The following BCO1 variants were observed in gnomAD, a reference collection of about 807,000 sequenced individuals.
BCO1 encodes the protein beta-carotene oxygenase 1.
BCO1 carries 54 observed loss-of-function variants against 56.3 expected under a neutral mutation model. The ratio of observed to expected loss-of-function variants is 0.96; its 90% CI spans 0.77 to 1.20. The LOEUF is 1.20. BCO1 is among the 50% of genes most tolerant of loss of function. The pLI, the probability that BCO1 is intolerant of heterozygous loss-of-function variation, is 0.00. For synonymous variants in BCO1, 318 were observed against 266.1 expected (o/e 1.20, Z -1.90); for missense variants, 801 against 690.9 (o/e 1.16, Z -1.79).
At chr16:81,245,431 T>G (rs1252438510) in intron 1 of BCO1, 44 bp from the exon 2 acceptor site, 2 of 1,613,970 alleles carry the variant, frequency 1.2e-6, no homozygotes, top group Non-Finnish European at 1.7e-6. Flanking sequence ...AGCATTTTGG[T>G]TTGCAGGTGG....
intron 6 of BCO1, among the ~76,000 whole-genome samples, chr16:81,268,926 T>C (rs1445355392): frequency 1.3e-5 from 2 of 151,976 alleles, no homozygotes; most frequent in African/African-American, 4.8e-5. Flanking sequence ...TCTCTATGCC[T>C]GGCTAATTTT....
chr16:81,263,698 A>G (rs751355272), intron 4 of BCO1: 5 of 152,236 alleles, frequency 3.3e-5, no homozygotes, highest in African/African-American at 4.8e-5. Context: ...GCAAAAAGCT[A>G]GGGCACAAAA....
Position 81,245,593 on chromosome 16 carries a change from C to T in BCO1, c.183C>T (p.Thr61=). Residue 61 remains threonine (T), a synonymous_variant, in exon 2 of 11, where the codon ACC becomes ACT. Transcript: ENST00000258168. ...FDGLALLHSF[T]IRDGEVYYRS... is the part of the protein sequence containing the mutation. ...GCCTTGCCCTGCTCCACAGCTTCAC[C>T]ATCAGAGACGGTGAGAACACCCACG... is the stretch of plus-strand genomic sequence containing the variant. 1 of 1,614,180 alleles carries T rather than the reference C, an allele frequency of 6.2e-7. No individual in the cohort carries two copies. Among genetic ancestry groups the T allele is most frequent in the Non-Finnish European group, 8.5e-7 (1 of 1,180,038 alleles).
chr16:81,243,454 A>ATCATTCGT (rs1555553071), intron 1 of BCO1, among the ~76,000 whole-genome samples: 3 of 150,890 alleles, frequency 2.0e-5, no homozygotes, highest in Non-Finnish European at 4.4e-5. Flanking sequence ...CCTGGTCTTG[A>ATCATTCGT]TCATTCATTC....
At chr16:81,277,132 T>C (rs1907606874) in intron 7 of BCO1, among the ~76,000 whole-genome samples, 1 of 151,486 alleles carries the variant, frequency 6.6e-6, no homozygotes, top group Admixed American at 6.6e-5. Flanking sequence ...TGGCTAGCGA[T>C]TGCCGTTTGG....
intron 8 of BCO1, among the ~76,000 whole-genome samples, chr16:81,282,593 C>G (rs1434475867): frequency 6.6e-6 from 1 of 151,874 alleles, no homozygotes; most frequent in East Asian, 1.9e-4. Flanking sequence ...CCCCTGGAGT[C>G]TTTAGAAATG....
chr16:81,255,524 G>C (rs979058824), intron 2 of BCO1, among the ~76,000 whole-genome samples: 1 of 151,104 alleles, frequency 6.6e-6, no homozygotes, highest in Non-Finnish European at 1.5e-5. Flanking sequence ...TTTTGAGATG[G>C]AGTCTCGCTC....
intron 6 of BCO1, among the ~76,000 whole-genome samples, chr16:81,268,557 C>T (rs538719530): frequency 3.9e-5 from 6 of 152,294 alleles, no homozygotes; most frequent in African/African-American, 1.2e-4. Context: ...ATTGTAATGA[C>T]AGTATGTTCC....
chr16:81,281,725 C>A (rs756326205), intron 8 of BCO1, among the ~76,000 whole-genome samples: 1 of 152,164 alleles, frequency 6.6e-6, no homozygotes, highest in African/African-American at 2.4e-5. Flanking sequence ...TGGGCACCAT[C>A]GCCATCTGGG....
rs1464767787 is a variant in BCO1 at position 81,290,604 on chromosome 16, G to T, written c.*27G>T. The T allele has an allele frequency of 1.3e-6, 2 of 1,571,110 alleles. No homozygotes were observed. Among genetic ancestry groups the T allele is most frequent in the Non-Finnish European group, 8.7e-7 (1 of 1,146,520 alleles). ...GGTGTTGGGGTTTGGGTAGGGGAGG[G>T]GAGCTCGGCTGTCAGAACTCCATGG... On this transcript the variant is annotated 3_prime_UTR_variant, in exon 11 of 11. Transcript: ENST00000258168.
Position 81,262,294 on chromosome 16 carries a change from A to G in BCO1, c.471+11A>G, listed in dbSNP as rs1270625713. On this transcript the variant is annotated intron_variant, in intron 4 of 10. Coordinates refer to ENST00000258168, the MANE Select transcript of BCO1 (RefSeq NM_017429.3). ...GAAACCCTGGAGAAGGTATCAACAC[A>G]TATGTAACCAGCATCACTTCCTGAC... is the stretch of plus-strand genomic sequence containing the variant. 13 of 1,610,520 alleles carry G rather than the reference A, an allele frequency of 8.1e-6. No homozygotes were observed. The highest frequency in any genetic ancestry group is 1.3e-5 in the African/African-American group (1 of 74,816).
intron 1 of BCO1, among the ~76,000 whole-genome samples, chr16:81,242,112 C>T (rs1450792332): frequency 6.6e-6 from 1 of 151,826 alleles, no homozygotes; most frequent in Admixed American, 6.6e-5. Context: ...CTTTCTCAAG[C>T]CTGCCCCCTC....
At chr16:81,274,278 T>G (rs1907415032) in intron 7 of BCO1, among the ~76,000 whole-genome samples, 1 of 147,436 alleles carries the variant, frequency 6.8e-6, no homozygotes, top group African/African-American at 2.5e-5. Context: ...TTTTTTTTTT[T>G]TTTGAGACAG....
rs570207653 is a variant in BCO1, at chr16:81,256,178, G to T, written c.194-3498G>T. ...GAGTATTCTACTTGCTTCCAGTGTT[G>T]TGAGTATGAAACCAGATAACACACA... On this transcript the variant is annotated intron_variant, in intron 2 of 10. Coordinates refer to ENST00000258168, the MANE Select transcript of BCO1 (RefSeq NM_017429.3). 5.3e-5 allele frequency among the ~76,000 whole-genome samples: 8 copies of T among 151,598 alleles called. No individual in the cohort carries two copies. In the East Asian group the frequency reaches 1.6e-3, roughly 30 times the overall value.
intron 2 of BCO1, among the ~76,000 whole-genome samples, chr16:81,257,925 G>A (rs1906246775): frequency 6.6e-6 from 1 of 151,496 alleles, no homozygotes; most frequent in African/African-American, 2.4e-5. Context: ...GTGATTAGAT[G>A]AAGGATCTTG....
At chr16:81,242,569 T>C (rs1905180912) in intron 1 of BCO1, among the ~76,000 whole-genome samples, 1 of 152,118 alleles carries the variant, frequency 6.6e-6, no homozygotes, top group African/African-American at 2.4e-5. Flanking sequence ...CCATCAGTTC[T>C]GTGTGTTCCA....
At chr16:81,275,571 C>A (rs564437172) in intron 7 of BCO1, among the ~76,000 whole-genome samples, 1 of 152,228 alleles carries the variant, frequency 6.6e-6, no homozygotes, top group Non-Finnish European at 1.5e-5. Context: ...AGGACAGGGA[C>A]TCTGTCTCAT....
intron 8 of BCO1, among the ~76,000 whole-genome samples, chr16:81,281,612 C>T (rs968104806): frequency 2.6e-5 from 4 of 152,132 alleles, no homozygotes; most frequent in Non-Finnish European, 4.4e-5. Flanking sequence ...TTATCGGCCC[C>T]GTAATATAGC....
intron 2 of BCO1, among the ~76,000 whole-genome samples, chr16:81,247,034 C>T (rs577360960): frequency 2.0e-5 from 3 of 152,156 alleles, no homozygotes; most frequent in South Asian, 2.1e-4. Flanking sequence ...GTGTCTGGCT[C>T]ATGAGGTGGG....
Sources: allele counts gnomAD v4.1 joint callset (sites outside exome capture counted in the v4.1 genomes callset), GRCh38; gene constraint gnomAD v4.1.1; transcripts MANE v1.5; gene names NCBI Gene and HGNC (gene_info 2026-07-23, HGNC 2026-07-21).